Variants in IBTK observed in about 807,000 individuals in gnomAD.
IBTK encodes BTK-binding protein.
A neutral mutation model predicts 154.9 loss-of-function variants in IBTK; 83 were observed. The observed-to-expected ratio is 0.54, with a 90% CI of 0.45 to 0.64. The LOEUF (loss-of-function observed/expected upper bound fraction) is 0.64. IBTK is among the 30% of genes least tolerant of loss of function. The pLI, the probability that IBTK is intolerant of heterozygous loss-of-function variation, is 0.00. For synonymous variants in IBTK, 515 were observed against 536.1 expected (o/e 0.96, Z 0.54); for missense variants, 1,332 against 1,584.6 (o/e 0.84, Z 2.71).
chr6:82,243,196 G>C lies in IBTK; in HGVS notation c.-357-2353C>G, dbSNP rs1398472523. Among the ~76,000 whole-genome samples the C allele has an allele frequency of 2.0e-5, 3 of 149,922 alleles. No individual in the cohort carries two copies. In the South Asian group the frequency reaches 6.3e-4, roughly 32 times the overall value. ...GCGGAGCTTGCAGTGAGCCGAGATC[G>C]TGCCACTGCACTCCAGCCTGGGCGA... On this transcript the variant is annotated intron_variant, in intron 1 of 28. Transcript: ENST00000306270.
intron 9 of IBTK, among the ~76,000 whole-genome samples, chr6:82,219,665 A>C (rs1022303022): frequency 7.2e-6 from 1 of 139,758 alleles, no homozygotes; most frequent in Non-Finnish European, 1.5e-5. Context: ...AATCTTTTTA[A>C]ATATTTTAAA....
intron 25 of IBTK, among the ~76,000 whole-genome samples, chr6:82,186,122 T>C (rs907678437): frequency 2.0e-5 from 3 of 152,192 alleles, no homozygotes; most frequent in East Asian, 3.9e-4. Flanking sequence ...GCAAGCTTAA[T>C]TGATAAATGT....
intron 9 of IBTK, among the ~76,000 whole-genome samples, chr6:82,219,600 G>T (rs1200934193): frequency 9.1e-6 from 1 of 109,376 alleles, no homozygotes; most frequent in East Asian, 3.2e-4. Context: ...ACAATTTAGA[G>T]ATGTATTTTA....
chr6:82,191,242 G>T, intron 24 of IBTK, 26 bp from the exon 25 acceptor site: 3 of 1,578,778 alleles, frequency 1.9e-6, no homozygotes, highest in Admixed American at 3.8e-5. Context: ...ATTAGTTTCA[G>T]TGGTTTCTTC....
At chr6:82,242,047 C>T (rs138171044) in intron 1 of IBTK, among the ~76,000 whole-genome samples, 2 of 152,196 alleles carry the variant, frequency 1.3e-5, no homozygotes, top group Non-Finnish European at 1.5e-5. Context: ...TAGGTTGGTA[C>T]AAAAGTAGTT....
intron 21 of IBTK, among the ~76,000 whole-genome samples, chr6:82,197,486 C>T (rs1352471264): frequency 6.6e-6 from 1 of 151,474 alleles, no homozygotes; most frequent in African/African-American, 2.4e-5. Flanking sequence ...TCTCCTGCCT[C>T]AGCCTTCCAA....
intron 25 of IBTK, among the ~76,000 whole-genome samples, chr6:82,185,162 G>A (rs1234137957): frequency 1.4e-4 from 18 of 126,054 alleles, no homozygotes; most frequent in Non-Finnish European, 2.4e-4. Flanking sequence ...CAGCCTGGGC[G>A]ACAGAGCAAA....
At chr6:82,212,068 C>T (rs1312925751) in intron 13 of IBTK, among the ~76,000 whole-genome samples, 1 of 152,030 alleles carries the variant, frequency 6.6e-6, no homozygotes, top group Non-Finnish European at 1.5e-5. Flanking sequence ...AATCTTGTCT[C>T]ACTGCAACCT....
chr6:82,227,096 T>C (rs1281862569), intron 5 of IBTK, 96 bp downstream of exon 5: 2 of 706,888 alleles, frequency 2.8e-6, no homozygotes, highest in Non-Finnish European at 2.4e-6. Context: ...TATTATTTCG[T>C]CCTTACAGTT....
At chr6:82,185,136 T>C (rs1208636016) in intron 25 of IBTK, among the ~76,000 whole-genome samples, 9 of 146,088 alleles carry the variant, frequency 6.2e-5, no homozygotes, top group Non-Finnish European at 1.2e-4. Flanking sequence ...TGAGCCAAGA[T>C]TGCGCCACGG....
At chr6:82,196,533 T>C (rs1768995525) in intron 21 of IBTK, 87 bp from the exon 22 acceptor site, 1 of 646,138 alleles carries the variant, frequency 1.5e-6, no homozygotes, top group East Asian at 3.3e-5. Context: ...TAAAAAAGCT[T>C]TCATTTATCC....
At chr6:82,233,276 G>A (rs1388242053) in intron 3 of IBTK, among the ~76,000 whole-genome samples, 2 of 152,002 alleles carry the variant, frequency 1.3e-5, no homozygotes, top group South Asian at 2.1e-4. Flanking sequence ...GCAATGAGCC[G>A]TGTTCTTGCC....
Position 82,234,258 on chromosome 6 carries a change from AAAACAAAC to A in IBTK, c.322-11_322-4del. 7.3e-7 allele frequency: 1 copy of A among 1,378,822 alleles called. No homozygotes were observed. Among genetic ancestry groups the A allele is most frequent in the Non-Finnish European group, 9.9e-7 (1 of 1,015,182 alleles). The allele number at this position is 1,378,822 out of a possible 1,614,324, so 85.4% of individuals were successfully genotyped here. A position where few individuals can be genotyped will look rare whatever the true frequency, so the allele number is the denominator to read the frequency against. On this transcript the variant is annotated splice_region_variant and splice_polypyrimidine_tract_variant and intron_variant, in intron 2 of 28. Coordinates refer to ENST00000306270, the MANE Select transcript of IBTK (RefSeq NM_015525.4). Reference sequence around the variant, plus strand: ...TGAATATACAGACTAACACCATGCTAAAACAAACAAACAAACAAATACATAAATATATA... The same window carrying A: ...TGAATATACAGACTAACACCATGCTAAAACAAACAAATACATAAATATATA...
rs757442000 is a variant in IBTK at position 82,172,424 on chromosome 6, C to A, written c.3886G>T (p.Ala1296Ser). Residue 1296 changes from alanine to serine, a missense_variant, in exon 28 of 29, where the codon GCA becomes TCA. Coordinates refer to ENST00000306270, the MANE Select transcript of IBTK (RefSeq NM_015525.4). ...SIVEEELQQE[A>S]ALIRSREKPL... ...TTTTCTCGACTTCTAATAAGAGCTG[C>A]TTCTTGTTGTAGTTCTTCTTCTACA... 2 of 1,613,922 alleles carry A rather than the reference C, an allele frequency of 1.2e-6. No homozygotes were observed. The highest frequency in any genetic ancestry group is 3.3e-5 in the Admixed American group (2 of 60,010).
At chr6:82,206,641 A>T (rs188765633) in intron 16 of IBTK, among the ~76,000 whole-genome samples, 2 of 152,304 alleles carry the variant, frequency 1.3e-5, no homozygotes, top group African/African-American at 4.8e-5. Context: ...AGACAGGGAC[A>T]TCACAGGAAA....
Position 82,171,210 on chromosome 6 carries a change from C to G in IBTK, c.*215G>C. The G allele has an allele frequency of 3.1e-6, 1 of 323,194 alleles. No individual in the cohort carries two copies. The highest frequency in any genetic ancestry group is 5.6e-6 in the Non-Finnish European group (1 of 179,322). The allele number at this position is 323,194 out of a possible 1,614,324, so 20.0% of individuals were successfully genotyped here. A position where few individuals can be genotyped will look rare whatever the true frequency, so the allele number is the denominator to read the frequency against. On this transcript the variant is annotated 3_prime_UTR_variant, in exon 29 of 29. Transcript: ENST00000306270. ...CTATTTAACCTTAATAAGTTTTTGT[C>G]TCACACATTTTATATAAAGTTACTA...
chr6:82,215,338 T>C (rs1478185044), intron 11 of IBTK, among the ~76,000 whole-genome samples: 2 of 152,188 alleles, frequency 1.3e-5, no homozygotes, highest in Middle Eastern at 3.2e-3. Flanking sequence ...TTATGTGACT[T>C]AGGAGATTTG....
At chr6:82,217,460 T>C (rs760834316) in intron 10 of IBTK, among the ~76,000 whole-genome samples, 3 of 152,152 alleles carry the variant, frequency 2.0e-5, no homozygotes, top group South Asian at 2.1e-4. Context: ...TGCCTCAGTA[T>C]AGAGGCCCAT....
chr6:82,181,719 T>C (rs1768323878), intron 26 of IBTK, among the ~76,000 whole-genome samples, 160 bp downstream of exon 26: 1 of 152,200 alleles, frequency 6.6e-6, no homozygotes, highest in African/African-American at 2.4e-5. Context: ...CAATTTTTTT[T>C]AAGTGGGGAA....
Sources: gnomAD v4.1 joint callset for allele counts (sites outside exome capture counted in the v4.1 genomes callset) on GRCh38, gnomAD v4.1.1 for gene constraint, MANE v1.5 for transcripts, NCBI Gene and HGNC (gene_info 2026-07-23, HGNC 2026-07-21) for gene names.